HS3ST5: variants seen among roughly 807,000 people sequenced by gnomAD.
HS3ST5 encodes the protein heparan sulfate glucosamine 3-O-sulfotransferase 5.
Under a neutral mutation model 25.4 loss-of-function variants are expected in HS3ST5, and 10 were observed. That is an observed-to-expected ratio of 0.39 (90% CI 0.24 to 0.67). HS3ST5 has a LOEUF of 0.67. HS3ST5 is among the 30% of genes least tolerant of loss of function. HS3ST5 has a pLI of 0.44. For missense variants in HS3ST5, 324 were observed against 420.7 expected (o/e 0.77, Z 2.01); for synonymous variants, 170 against 162.4 (o/e 1.05, Z -0.36).
chr6:114,108,895 G>C (rs542272979), intron 3 of HS3ST5, among the ~76,000 whole-genome samples: 64 of 152,280 alleles, frequency 4.2e-4, no homozygotes, highest in Middle Eastern at 3.4e-3. Flanking sequence ...AAGCACAGTG[G>C]CTCACTCCTG....
rs199674710 is a variant in HS3ST5 at position 114,270,953 on chromosome 6, T to TA, written c.-338-42176dup. Reference sequence around the variant, plus strand: ...TTGTTTAGGTTCCATGTTTTTTTTTTAAAAATGCCCCAAGTAGACTTATTA... The same window carrying TA: ...TTGTTTAGGTTCCATGTTTTTTTTTTAAAAAATGCCCCAAGTAGACTTATTA... On this transcript the variant is annotated intron_variant, in intron 1 of 4. Coordinates refer to ENST00000312719, the MANE Select transcript of HS3ST5 (RefSeq NM_153612.4). Among the ~76,000 whole-genome samples the TA allele has an allele frequency of 3.8e-3, 572 of 151,442 alleles. 3 individuals are homozygous for TA. Among genetic ancestry groups the TA allele is most frequent in the African/African-American group, 0.013 (533 of 41,400 alleles).
chr6:114,313,459 G>A (rs1295774607), intron 1 of HS3ST5, among the ~76,000 whole-genome samples: 1 of 152,172 alleles, frequency 6.6e-6, no homozygotes, highest in Non-Finnish European at 1.5e-5. Flanking sequence ...CAGGTGAAGG[G>A]ATAAAGAGTT....
intron 3 of HS3ST5, among the ~76,000 whole-genome samples, chr6:114,117,870 G>A (rs913617086): frequency 7.2e-5 from 11 of 152,118 alleles, no homozygotes; most frequent in South Asian, 4.1e-4. Context: ...ACCTCTAGGA[G>A]TGGCACTGTG....
intron 3 of HS3ST5, among the ~76,000 whole-genome samples, chr6:114,075,771 A>G (rs137968954): frequency 6.6e-5 from 10 of 152,252 alleles, no homozygotes; most frequent in African/African-American, 2.2e-4. Context: ...TCTTAACTCC[A>G]TCACACAGGA....
intron 2 of HS3ST5, among the ~76,000 whole-genome samples, chr6:114,205,887 C>G (rs1039734762): frequency 1.3e-5 from 2 of 152,136 alleles, no homozygotes; most frequent in African/African-American, 4.8e-5. Context: ...GGAGGTGGAG[C>G]TCAGGAGGTA....
intron 3 of HS3ST5, among the ~76,000 whole-genome samples, chr6:114,106,655 A>G (rs1027714165): frequency 2.0e-5 from 3 of 152,258 alleles, no homozygotes; most frequent in African/African-American, 7.2e-5. Flanking sequence ...TCCTTTTGAA[A>G]AAACTTCCTT....
At chr6:114,297,196 A>G (rs993229785) in intron 1 of HS3ST5, among the ~76,000 whole-genome samples, 1 of 151,896 alleles carries the variant, frequency 6.6e-6, no homozygotes, top group African/African-American at 2.4e-5. Context: ...AATCATTACT[A>G]TATATGAGTG....
intron 3 of HS3ST5, among the ~76,000 whole-genome samples, chr6:114,098,409 A>C (rs1775552897): frequency 6.6e-6 from 1 of 150,552 alleles, no homozygotes; most frequent in South Asian, 2.1e-4. Context: ...TAATGTATTA[A>C]TATTATATTA....
chr6:114,194,115 G>A (rs1472796558), intron 2 of HS3ST5, among the ~76,000 whole-genome samples: 1 of 152,106 alleles, frequency 6.6e-6, no homozygotes. Flanking sequence ...AAAGAAACAA[G>A]TTATCATTCG....
At chr6:114,066,593 A>G (rs1469133985) in intron 3 of HS3ST5, among the ~76,000 whole-genome samples, 1 of 152,196 alleles carries the variant, frequency 6.6e-6, no homozygotes, top group Admixed American at 6.5e-5. Flanking sequence ...AGATTGTGCC[A>G]CTGCACTCCA....
At chr6:114,092,797 C>T (rs188625657) in intron 3 of HS3ST5, among the ~76,000 whole-genome samples, 399 of 151,674 alleles carry the variant, frequency 2.6e-3, no homozygotes, top group Non-Finnish European at 3.9e-3. Flanking sequence ...CTGCCTCAGC[C>T]TCCCAAGTAG....
intron 3 of HS3ST5, among the ~76,000 whole-genome samples, chr6:114,165,746 C>G (rs537003743): frequency 6.6e-6 from 1 of 152,120 alleles, no homozygotes; most frequent in Non-Finnish European, 1.5e-5. Context: ...AGACTTGCGC[C>G]GGAAATTCTT....
chr6:114,246,255 C>T (rs1772373991), intron 1 of HS3ST5, among the ~76,000 whole-genome samples: 1 of 152,156 alleles, frequency 6.6e-6, no homozygotes, highest in South Asian at 2.1e-4. Flanking sequence ...TGACACAGAG[C>T]AATGTTCCAT....
chr6:114,151,557 T>C (rs1441194533), intron 3 of HS3ST5, among the ~76,000 whole-genome samples: 1 of 152,212 alleles, frequency 6.6e-6, no homozygotes, highest in African/African-American at 2.4e-5. Context: ...CTAAAAGAAA[T>C]ACTCATAAAT....
chr6:114,209,969 T>G (rs1384338870), intron 2 of HS3ST5, among the ~76,000 whole-genome samples: 2 of 152,172 alleles, frequency 1.3e-5, no homozygotes, highest in African/African-American at 4.8e-5. Flanking sequence ...TCTATTAAAA[T>G]TATTACTCAA....
At chr6:114,096,361 CTT>C (rs1775425367) in intron 3 of HS3ST5, among the ~76,000 whole-genome samples, 1 of 152,178 alleles carries the variant, frequency 6.6e-6, no homozygotes, top group African/African-American at 2.4e-5. Context: ...AGACATGCCT[CTT>C]TACTGCAATA....
At chr6:114,076,488 G>T (rs1774144104) in intron 3 of HS3ST5, among the ~76,000 whole-genome samples, 1 of 152,122 alleles carries the variant, frequency 6.6e-6, no homozygotes, top group African/African-American at 2.4e-5. Context: ...TTTAAAGATG[G>T]CTGCACCACA....
chr6:114,086,234 A>C (rs966470277), intron 3 of HS3ST5, among the ~76,000 whole-genome samples: 2 of 152,200 alleles, frequency 1.3e-5, no homozygotes, highest in African/African-American at 4.8e-5. Flanking sequence ...AACTTAAGAT[A>C]GGGAGATCAC....
chr6:114,271,431 C>T (rs1374605740), intron 1 of HS3ST5, among the ~76,000 whole-genome samples: 1 of 151,828 alleles, frequency 6.6e-6, no homozygotes, highest in African/African-American at 2.4e-5. Context: ...AATCAAACAG[C>T]TCTTAAGAAA....
Sources: gnomAD v4.1 joint callset for allele counts (sites outside exome capture counted in the v4.1 genomes callset) on GRCh38, gnomAD v4.1.1 for gene constraint, MANE v1.5 for transcripts, NCBI Gene and HGNC (gene_info 2026-07-23, HGNC 2026-07-21) for gene names.